TSNARE1: variants seen among roughly 807,000 people sequenced by gnomAD.
TSNARE1 encodes t-SNARE domain-containing protein 1.
Under a neutral mutation model 62.0 loss-of-function variants are expected in TSNARE1, and 49 were observed. The ratio of observed to expected loss-of-function variants is 0.79; its 90% CI spans 0.63 to 1.00. The LOEUF is 1.00. Among genes scored for constraint, TSNARE1 ranks in the 50% least tolerant of loss-of-function variants. TSNARE1 has a pLI of 0.00. For missense variants in TSNARE1, 755 were observed against 700.1 expected (o/e 1.08, Z -0.88); for synonymous variants, 328 against 294.4 (o/e 1.11, Z -1.17).
intron 12 of TSNARE1, among the ~76,000 whole-genome samples, chr8:142,272,164 C>CATCT (rs397826717): frequency 4.6e-5 from 7 of 151,974 alleles, no homozygotes; most frequent in African/African-American, 1.5e-4. Context: ...TCCATCCATC[C>CATCT]GTCTACTCAC....
chr8:142,364,348 A>G (rs963098236), intron 1 of TSNARE1, among the ~76,000 whole-genome samples: 1 of 152,248 alleles, frequency 6.6e-6, no homozygotes, highest in Non-Finnish European at 1.5e-5. Flanking sequence ...GCGTGAATTC[A>G]TAGTTTTTAA....
At chr8:142,235,927 C>A (rs934346220) in intron 12 of TSNARE1, among the ~76,000 whole-genome samples, 1 of 151,798 alleles carries the variant, frequency 6.6e-6, no homozygotes, top group Admixed American at 6.6e-5. Flanking sequence ...GAGGTGGGCA[C>A]GCAGGAGGGG....
Position 142,317,969 on chromosome 8 carries a change from A to T in TSNARE1, c.984+575T>A, listed in dbSNP as rs143464647. Among the ~76,000 whole-genome samples, 1,044 of 152,238 alleles carry T rather than the reference A, an allele frequency of 6.9e-3. 11 individuals carry two copies. The highest frequency in any genetic ancestry group is 0.01 in the Middle Eastern group (3 of 294). The stretch of plus-strand genomic sequence containing the variant: ...CAAGACTCCGTCTCAAAAACACAAA[A>T]AAAAATTGCGGACAGGGTGGAAATG... On this transcript the variant is annotated intron_variant, in intron 7 of 13. Coordinates refer to ENST00000524325, the MANE Select transcript of TSNARE1 (RefSeq NM_145003.5).
At chr8:142,217,515 G>A (rs1242058530) in intron 13 of TSNARE1, among the ~76,000 whole-genome samples, 3 of 152,236 alleles carry the variant, frequency 2.0e-5, no homozygotes, top group Non-Finnish European at 4.4e-5. Context: ...GCAGGCAGGG[G>A]CAGGTGGTCA....
At chr8:142,215,863 C>T (rs1477838781) in intron 13 of TSNARE1, among the ~76,000 whole-genome samples, 1 of 152,224 alleles carries the variant, frequency 6.6e-6, no homozygotes, top group Non-Finnish European at 1.5e-5. Context: ...GCTCTGGAGG[C>T]TTGAAGGTCA....
chr8:142,311,362 A>G (rs1827597868), intron 9 of TSNARE1, among the ~76,000 whole-genome samples: 1 of 142,468 alleles, frequency 7.0e-6, no homozygotes, highest in African/African-American at 2.7e-5. Flanking sequence ...CAATGGCACA[A>G]TCTCGGCTCA....
At chr8:142,220,557 G>A (rs1351785448) in intron 13 of TSNARE1, among the ~76,000 whole-genome samples, 1 of 152,180 alleles carries the variant, frequency 6.6e-6, no homozygotes, top group Non-Finnish European at 1.5e-5. Context: ...CAGGGAGGGA[G>A]GGCCTCCAGA....
intron 12 of TSNARE1, chr8:142,270,329 C>T (rs1436031694): frequency 2.0e-6 from 2 of 985,422 alleles, no homozygotes; most frequent in Non-Finnish European, 2.4e-6. Context: ...CTGCCACGCC[C>T]GAGAAGCAGG....
intron 9 of TSNARE1, among the ~76,000 whole-genome samples, chr8:142,309,118 T>C (rs1242641802): frequency 6.6e-6 from 1 of 152,250 alleles, no homozygotes; most frequent in Non-Finnish European, 1.5e-5. Flanking sequence ...GCATACACAA[T>C]GTCTTCTTGT....
At chr8:142,371,767 T>TA (rs35801989) in intron 1 of TSNARE1, among the ~76,000 whole-genome samples, 16 of 151,880 alleles carry the variant, frequency 1.1e-4, no homozygotes, top group East Asian at 7.7e-4. Flanking sequence ...CGCCAACTCT[T>TA]AAAAAAAAGA....
In TSNARE1 at chr8:142,239,921, A is replaced by G. The variant is rs574690405; in HGVS notation, c.1447-10342T>C. The stretch of plus-strand genomic sequence containing the variant: ...TACATTTGAAATATTTTCAAAGTAA[A>G]AAGTTTAAAACTCTAGCAATAAAAA... On this transcript the variant is annotated intron_variant, in intron 12 of 13. Transcript: ENST00000524325. Among the ~76,000 whole-genome samples the G allele has an allele frequency of 5.9e-5, 9 of 152,362 alleles. No individual in the cohort carries two copies. In the East Asian group the frequency reaches 1.7e-3, roughly 29 times the overall value.
chr8:142,231,332 T>C (rs1449078969), intron 12 of TSNARE1, among the ~76,000 whole-genome samples: 3 of 152,140 alleles, frequency 2.0e-5, no homozygotes, highest in Admixed American at 1.3e-4. Context: ...AGATCTGAGG[T>C]CCAGGTCTCT....
intron 6 of TSNARE1, among the ~76,000 whole-genome samples, chr8:142,327,118 T>C (rs1830384074): frequency 6.6e-6 from 1 of 151,790 alleles, no homozygotes; most frequent in Non-Finnish European, 1.5e-5. Flanking sequence ...CCTGGGGATA[T>C]ATCCAAGACA....
chr8:142,246,696 A>T (rs1490223534), intron 12 of TSNARE1, among the ~76,000 whole-genome samples: 2 of 152,092 alleles, frequency 1.3e-5, no homozygotes, highest in Admixed American at 1.3e-4. Flanking sequence ...CGGAGGGATG[A>T]CCGAGGACCT....
chr8:142,262,909 C>T (rs57757167), intron 12 of TSNARE1, among the ~76,000 whole-genome samples: 13,061 of 152,188 alleles, frequency 0.086, 864 homozygotes, highest in East Asian at 0.3. Context: ...TGACTATGTA[C>T]GGAAACGCCT....
intron 12 of TSNARE1, among the ~76,000 whole-genome samples, chr8:142,267,043 T>A (rs538526589): frequency 6.6e-6 from 1 of 152,376 alleles, no homozygotes; most frequent in South Asian, 2.1e-4. Flanking sequence ...TATTGCTCAT[T>A]TTTGTGATTT....
chr8:142,358,174 G>A (rs1167463880), intron 1 of TSNARE1, among the ~76,000 whole-genome samples: 2 of 82,594 alleles, frequency 2.4e-5, no homozygotes, highest in Non-Finnish European at 4.3e-5. Flanking sequence ...ACAGCCAGCG[G>A]CCATCACTGC....
In TSNARE1 at chr8:142,286,851, C is replaced by T. The variant is rs557388236; in HGVS notation, c.1291-2366G>A. Among the ~76,000 whole-genome samples, 6 of 152,348 alleles carry T rather than the reference C, an allele frequency of 3.9e-5. No individual in the cohort carries two copies. The South Asian group carries it at 1.0e-3, about 26-fold the overall frequency. On this transcript the variant is annotated intron_variant, in intron 10 of 13. Transcript: ENST00000524325. Reference sequence around the variant, plus strand: ...ATACCCAGGCCTGGTGCACCCTGAGCCTGGTCTTGGTGGCTCATGGCCTCA... The same window carrying T: ...ATACCCAGGCCTGGTGCACCCTGAGTCTGGTCTTGGTGGCTCATGGCCTCA...
In TSNARE1 at chr8:142,344,173, C is replaced by A. The variant is rs777254932; in HGVS notation, c.538G>T (p.Asp180Tyr). Reference protein sequence around the residue: ...AVNALGYCRRDVVDLKHKWRD... With the variant: ...AVNALGYCRRYVVDLKHKWRD... ...CACTTGTGCTTCAGGTCCACAACGT[C>A]GCGGCGACAGTAGCCCAGCGCATTC... The change falls in exon 4 of 14, where the codon GAC (aspartate) becomes TAC (tyrosine). Residue 180 changes from aspartate to tyrosine, a missense_variant. Transcript: ENST00000524325. The A allele has an allele frequency of 6.2e-7, 1 of 1,613,412 alleles. No homozygotes were observed. The highest frequency in any genetic ancestry group is 8.5e-7 in the Non-Finnish European group (1 of 1,179,880).
Sources: allele counts gnomAD v4.1 joint callset (sites outside exome capture counted in the v4.1 genomes callset), GRCh38; gene constraint gnomAD v4.1.1; transcripts MANE v1.5; gene names NCBI Gene and HGNC (gene_info 2026-07-23, HGNC 2026-07-21).